Variants in MAGI2 observed in about 807,000 individuals in gnomAD.
MAGI2 encodes the protein membrane-associated guanylate kinase, WW and PDZ domain-containing protein 2.
A neutral mutation model predicts 133.3 loss-of-function variants in MAGI2; 35 were observed. That is an observed-to-expected ratio of 0.26 (90% CI 0.20 to 0.35). The LOEUF is 0.35. Ranked by LOEUF, MAGI2 falls within the 10% of genes least tolerant of loss-of-function variation. The pLI, the probability that MAGI2 is intolerant of heterozygous loss-of-function variation, is 1.00. For missense variants in MAGI2, 1,636 were observed against 1,863.4 expected, an observed-to-expected ratio of 0.88 and a Z score of 2.25; for synonymous variants, 729 against 710.6, an observed-to-expected ratio of 1.03 and a Z score of -0.41.
At chr7:79,197,504 CTGAGT>C (rs1828187142) in intron 1 of MAGI2, among the ~76,000 whole-genome samples, 2 of 152,042 alleles carry the variant, frequency 1.3e-5, no homozygotes, top group African/African-American at 4.8e-5. Context: ...TGCAAGTTCT[CTGAGT>C]TAATTTAACT....
intron 6 of MAGI2, among the ~76,000 whole-genome samples, chr7:78,488,081 A>G (rs1054341794): frequency 5.3e-5 from 8 of 152,046 alleles, no homozygotes; most frequent in Non-Finnish European, 7.4e-5. Context: ...GTCCGATAAT[A>G]TAAAGAATAG....
At chr7:78,286,428 G>T (rs1161564952) in intron 9 of MAGI2, among the ~76,000 whole-genome samples, 1 of 152,072 alleles carries the variant, frequency 6.6e-6, no homozygotes, top group African/African-American at 2.4e-5. Flanking sequence ...GGAATATGGC[G>T]ATTTACTATT....
intron 1 of MAGI2, among the ~76,000 whole-genome samples, chr7:79,324,440 C>CGGTT (rs1554444724): frequency 0.027 from 555 of 20,300 alleles, 21 homozygotes; most frequent in Middle Eastern, 0.059. Context: ...TATATATAAC[C>CGGTT]ATATATATAT....
intron 2 of MAGI2, among the ~76,000 whole-genome samples, chr7:78,776,380 A>G (rs1158053934): frequency 6.6e-6 from 1 of 152,240 alleles, no homozygotes; most frequent in Non-Finnish European, 1.5e-5. Flanking sequence ...ATCATAAACT[A>G]CATGTATTTC....
chr7:78,730,410 GCCA>G (rs1290183124), intron 2 of MAGI2, among the ~76,000 whole-genome samples: 2 of 28,410 alleles, frequency 7.0e-5, no homozygotes, highest in Non-Finnish European at 6.9e-5. Flanking sequence ...CTAATACTAA[GCCA>G]AAAAAAAAAA....
chr7:78,491,793 C>T (rs979340140), intron 5 of MAGI2, among the ~76,000 whole-genome samples: 6 of 151,428 alleles, frequency 4.0e-5, no homozygotes, highest in South Asian at 2.1e-4. Flanking sequence ...ATAGGGGCAC[C>T]GGGTTCAGTG....
chr7:79,168,424 G>A (rs1168504069), intron 1 of MAGI2, among the ~76,000 whole-genome samples: 1 of 152,046 alleles, frequency 6.6e-6, no homozygotes, highest in African/African-American at 2.4e-5. Flanking sequence ...TACTTTCTAA[G>A]CATAATGACA....
chr7:78,863,023 C>T (rs915202811), intron 2 of MAGI2, among the ~76,000 whole-genome samples: 4 of 152,158 alleles, frequency 2.6e-5, no homozygotes, highest in Admixed American at 6.5e-5. Context: ...AAAATCTCAG[C>T]CTAATCCAAC....
chr7:78,025,633 A>G (rs1808835197), intron 21 of MAGI2, among the ~76,000 whole-genome samples: 1 of 152,224 alleles, frequency 6.6e-6, no homozygotes, highest in South Asian at 2.1e-4. Context: ...TAATCTGTCA[A>G]AAACAGGTTT....
At position 78,115,311 on chromosome 7, in the gene MAGI2, G is replaced by A. The variant is rs1327357706; in HGVS notation, c.3567+10383C>T. On this transcript the variant is annotated intron_variant, in intron 20 of 21. Coordinates refer to ENST00000354212, the MANE Select transcript of MAGI2 (RefSeq NM_012301.4). ...CAAAAGAGAGTTGAAAAAATAAAAA[G>A]GGTAAGATAGAATAAGTGAAACTAA... 2.0e-5 allele frequency among the ~76,000 whole-genome samples: 3 copies of A among 152,008 alleles called. No individual in the cohort carries two copies. The South Asian group carries it at 6.2e-4, about 32-fold the overall frequency.
intron 20 of MAGI2, among the ~76,000 whole-genome samples, chr7:78,106,934 A>G (rs1442802787): frequency 6.6e-6 from 1 of 152,152 alleles, no homozygotes; most frequent in African/African-American, 2.4e-5. Flanking sequence ...ATCTTTGCCC[A>G]GACCAATGTC....
At chr7:79,179,138 T>C (rs1043856641) in intron 1 of MAGI2, among the ~76,000 whole-genome samples, 2 of 152,030 alleles carry the variant, frequency 1.3e-5, no homozygotes, top group Admixed American at 1.3e-4. Flanking sequence ...CATATATATA[T>C]TACAGTGTTA....
chr7:79,409,766 A>C (rs1846032362), intron 1 of MAGI2, among the ~76,000 whole-genome samples: 1 of 152,122 alleles, frequency 6.6e-6, no homozygotes. Flanking sequence ...TTTACAACTG[A>C]GATAGCAAGG....
At chr7:78,610,377 C>G (rs545884836) in intron 3 of MAGI2, among the ~76,000 whole-genome samples, 1 of 152,286 alleles carries the variant, frequency 6.6e-6, no homozygotes, top group African/African-American at 2.4e-5. Context: ...AAAACCATCA[C>G]TACATAGTAT....
At chr7:79,291,316 T>G (rs1326502684) in intron 1 of MAGI2, among the ~76,000 whole-genome samples, 2 of 152,166 alleles carry the variant, frequency 1.3e-5, no homozygotes, top group African/African-American at 4.8e-5. Context: ...ATTCATCCAT[T>G]GATGGACATT....
intron 2 of MAGI2, among the ~76,000 whole-genome samples, chr7:78,904,494 C>T (rs559214783): frequency 6.1e-4 from 93 of 151,450 alleles, no homozygotes; most frequent in African/African-American, 2.2e-3. Context: ...GTTAACACTG[C>T]ATGCATAGCA....
chr7:78,300,304 A>G (rs1797717388), intron 9 of MAGI2, among the ~76,000 whole-genome samples: 1 of 152,184 alleles, frequency 6.6e-6, no homozygotes, highest in Admixed American at 6.5e-5. Flanking sequence ...ATATCAGTGT[A>G]ATTGTTTTTC....
At chr7:79,170,352 T>A (rs751307358) in intron 1 of MAGI2, among the ~76,000 whole-genome samples, 52 of 151,638 alleles carry the variant, frequency 3.4e-4, no homozygotes, top group Non-Finnish European at 5.9e-4. Context: ...TTTTAAAAAA[T>A]TTTTGTAGAG....
At chr7:79,344,078 T>C (rs1307498719) in intron 1 of MAGI2, among the ~76,000 whole-genome samples, 2 of 152,176 alleles carry the variant, frequency 1.3e-5, no homozygotes, top group Non-Finnish European at 2.9e-5. Context: ...ACTAGTTCAA[T>C]GAGATGAATC....
Sources: allele counts gnomAD v4.1 joint callset (sites outside exome capture counted in the v4.1 genomes callset), GRCh38; gene constraint gnomAD v4.1.1; transcripts MANE v1.5; gene names NCBI Gene and HGNC (gene_info 2026-07-23, HGNC 2026-07-21).